The following KCTD16 variants were observed in gnomAD, a reference collection of about 807,000 sequenced individuals.
The protein encoded by KCTD16 is BTB/POZ domain-containing protein KCTD16.
In KCTD16, 13 loss-of-function variants were observed where a neutral mutation model predicts 33.2. The observed-to-expected ratio is 0.39, with a 90% CI of 0.25 to 0.62. KCTD16 has a LOEUF of 0.62. Ranked by LOEUF, KCTD16 falls within the 20% of genes least tolerant of loss-of-function variation. The pLI is 0.50. For synonymous variants in KCTD16, 197 were observed against 195.3 expected, an observed-to-expected ratio of 1.01 and a Z score of -0.07; for missense variants, 441 against 525.1, an observed-to-expected ratio of 0.84 and a Z score of 1.57.
At chr5:144,264,524 G>A (rs1022731471) in intron 3 of KCTD16, among the ~76,000 whole-genome samples, 1 of 152,106 alleles carries the variant, frequency 6.6e-6, no homozygotes, top group Non-Finnish European at 1.5e-5. Context: ...ACACTTTGGA[G>A]GGCCAAGGTA....
chr5:144,202,886 T>A (rs144921906), intron 2 of KCTD16, among the ~76,000 whole-genome samples: 8 of 152,360 alleles, frequency 5.3e-5, no homozygotes, highest in Admixed American at 2.0e-4. Context: ...TCTCTGTGAA[T>A]GTATGTGTAA....
intron 3 of KCTD16, among the ~76,000 whole-genome samples, chr5:144,223,464 A>G (rs931319501): frequency 1.3e-5 from 2 of 152,146 alleles, no homozygotes; most frequent in African/African-American, 4.8e-5. Context: ...CATCAGCCCT[A>G]TATTTTTATA....
At chr5:144,467,033 ATTATATATAATATATATAACACTATATG>A (rs774079650) in intron 3 of KCTD16, among the ~76,000 whole-genome samples, 24,019 of 99,974 alleles carry the variant, frequency 0.24, 3,205 homozygotes, top group East Asian at 0.44. Context: ...AACACTATAT[ATTATATATAATATATATAACACTATATG>A]TATTATATAT....
chr5:144,414,039 G>A (rs1208146301), intron 3 of KCTD16, among the ~76,000 whole-genome samples: 1 of 152,078 alleles, frequency 6.6e-6, no homozygotes, highest in Non-Finnish European at 1.5e-5. Flanking sequence ...TATCCCCAGT[G>A]GATAAATTTG....
At chr5:144,241,649 G>GT (rs895769538) in intron 3 of KCTD16, among the ~76,000 whole-genome samples, 2 of 152,162 alleles carry the variant, frequency 1.3e-5, no homozygotes, top group Non-Finnish European at 2.9e-5. Flanking sequence ...GAAATGAATT[G>GT]TAAGTAAGCA....
intron 3 of KCTD16, among the ~76,000 whole-genome samples, chr5:144,265,597 C>T (rs770773047): frequency 3.3e-5 from 5 of 152,304 alleles, no homozygotes; most frequent in South Asian, 2.1e-4. Context: ...TAGGAATTCA[C>T]GAAGTTGGCT....
At chr5:144,407,907 G>A (rs1453916703) in intron 3 of KCTD16, among the ~76,000 whole-genome samples, 4 of 152,164 alleles carry the variant, frequency 2.6e-5, no homozygotes, top group African/African-American at 4.8e-5. Flanking sequence ...GTATTCCATG[G>A]TGTGTATGTG....
In KCTD16 at chr5:144,483,872, T is replaced by G. The variant is rs1754752473; in HGVS notation, c.*9758T>G. 1 of 151,946 alleles carries G rather than the reference T, an allele frequency of 6.6e-6. No homozygotes were observed. Among genetic ancestry groups the G allele is most frequent in the Non-Finnish European group, 1.5e-5 (1 of 67,920 alleles). The allele number at this position is 151,946 out of a possible 1,614,324, so 9.4% of individuals were successfully genotyped here. ...TAAGCACGGTCACTGAATCCTTTTT[T>G]CACCAGCCTTCTAAAGATGTTGTCT... is the stretch of plus-strand genomic sequence containing the variant. On this transcript the variant is annotated 3_prime_UTR_variant, in exon 4 of 4. Transcript: ENST00000512467.
intron 3 of KCTD16, among the ~76,000 whole-genome samples, chr5:144,421,678 A>G (rs1300082167): frequency 1.3e-5 from 2 of 152,166 alleles, no homozygotes. Context: ...CAATTACTCC[A>G]GCAATACTAG....
intron 3 of KCTD16, among the ~76,000 whole-genome samples, chr5:144,435,563 C>T (rs1753556633): frequency 6.6e-6 from 1 of 152,142 alleles, no homozygotes; most frequent in African/African-American, 2.4e-5. Flanking sequence ...ATATTACAAA[C>T]AAAATTCTGC....
intron 3 of KCTD16, among the ~76,000 whole-genome samples, chr5:144,346,966 T>TG (rs1752819057): frequency 1.3e-5 from 2 of 152,202 alleles, no homozygotes; most frequent in South Asian, 2.1e-4. Context: ...ACTTTTTTTT[T>TG]TGTGGTAGTT....
chr5:144,314,334 A>G (rs1751848828), intron 3 of KCTD16, among the ~76,000 whole-genome samples: 9 of 152,174 alleles, frequency 5.9e-5, no homozygotes, highest in Admixed American at 5.9e-4. Context: ...AAATTGAGAT[A>G]AAGCGTAACT....
intron 3 of KCTD16, among the ~76,000 whole-genome samples, chr5:144,285,088 G>A (rs1755709284): frequency 6.6e-6 from 1 of 152,174 alleles, no homozygotes; most frequent in Admixed American, 6.5e-5. Flanking sequence ...GGTGTGAGAA[G>A]GTCTTGGCAA....
At chr5:144,273,082 GAGATTAATATTCC>G (rs1275202618) in intron 3 of KCTD16, among the ~76,000 whole-genome samples, 1 of 152,128 alleles carries the variant, frequency 6.6e-6, no homozygotes, top group Non-Finnish European at 1.5e-5. Context: ...TATCTGATAA[GAGATTAATATTCC>G]AGATATATAG....
intron 3 of KCTD16, among the ~76,000 whole-genome samples, chr5:144,258,073 A>G (rs531743012): frequency 1.3e-5 from 2 of 152,188 alleles, no homozygotes; most frequent in South Asian, 4.1e-4. Flanking sequence ...TGTATGCATC[A>G]ATAGAATGTG....
At chr5:144,340,855 G>A (rs1454862753) in intron 3 of KCTD16, among the ~76,000 whole-genome samples, 1 of 151,802 alleles carries the variant, frequency 6.6e-6, no homozygotes, top group East Asian at 1.9e-4. Flanking sequence ...TTCGAGACCA[G>A]CCTGACCAAC....
chr5:144,446,124 G>A (rs550902146), intron 3 of KCTD16, among the ~76,000 whole-genome samples: 2 of 151,770 alleles, frequency 1.3e-5, no homozygotes, highest in African/African-American at 2.4e-5. Flanking sequence ...GGGATACTTT[G>A]TCAGCTAATT....
chr5:144,406,695 G>A (rs1752815935), intron 3 of KCTD16, among the ~76,000 whole-genome samples: 1 of 152,160 alleles, frequency 6.6e-6, no homozygotes, highest in Admixed American at 6.5e-5. Flanking sequence ...TCACAGCAAC[G>A]AATGGAGAAG....
At chr5:144,173,881 A>G (rs992215721) in intron 1 of KCTD16, among the ~76,000 whole-genome samples, 6 of 149,118 alleles carry the variant, frequency 4.0e-5, no homozygotes, top group African/African-American at 1.5e-4. Flanking sequence ...ATGGCTAGTC[A>G]CGTAGGAATT....
Sources: gnomAD v4.1 joint callset for allele counts (sites outside exome capture counted in the v4.1 genomes callset) on GRCh38, gnomAD v4.1.1 for gene constraint, MANE v1.5 for transcripts, NCBI Gene and HGNC (gene_info 2026-07-23, HGNC 2026-07-21) for gene names.